Variants in PROS1 observed in about 807,000 individuals in gnomAD.
PROS1 encodes vitamin K-dependent protein S.
PROS1 carries 29 observed loss-of-function variants against 75.9 expected under a neutral mutation model. The observed-to-expected ratio is 0.38, with a 90% CI of 0.28 to 0.52. The LOEUF (loss-of-function observed/expected upper bound fraction) is 0.52. PROS1 is among the 20% of genes least tolerant of loss of function. PROS1 has a pLI of 0.83. For synonymous variants in PROS1, 245 were observed against 280.6 expected (o/e 0.87, Z 1.27); for missense variants, 680 against 810.3 (o/e 0.84, Z 1.95).
chr3:93,955,497 G>A (rs1341139757), intron 1 of PROS1, among the ~76,000 whole-genome samples: 1 of 151,960 alleles, frequency 6.6e-6, no homozygotes, highest in Non-Finnish European at 1.5e-5. Flanking sequence ...AACACTGCAT[G>A]TTCTCACTCA....
chr3:93,939,359 C>G (rs1423628159), intron 1 of PROS1, among the ~76,000 whole-genome samples: 3 of 152,098 alleles, frequency 2.0e-5, no homozygotes, highest in Non-Finnish European at 2.9e-5. Flanking sequence ...AGTCCCAACC[C>G]CAAGCGTCAC....
At chr3:93,969,151 A>C (rs1709837166) in intron 1 of PROS1, among the ~76,000 whole-genome samples, 2 of 137,428 alleles carry the variant, frequency 1.5e-5, no homozygotes, top group South Asian at 4.6e-4. Context: ...TGCATATAAG[A>C]TGTGTTGGTA....
Position 93,905,851 on chromosome 3 carries a change from T to G in PROS1, c.534A>C (p.Thr178=). Residue 178 remains threonine (T), a synonymous_variant, in exon 6 of 15, where the codon ACA becomes ACC. Transcript: ENST00000394236. ...TACAGGAACAGTGGTAACTTCCAGG[T>G]GTATTATCACAAATTTGACTGCAAC... ...NGGCSQICDN[T]PGSYHCSCKN... is the part of the protein sequence containing the mutation. 6.2e-7 allele frequency: 1 copy of G among 1,612,846 alleles called. No homozygotes were observed. The highest frequency in any genetic ancestry group is 8.5e-7 in the Non-Finnish European group (1 of 1,178,830).
At chr3:93,901,881 T>C (rs1017783547) in intron 6 of PROS1, among the ~76,000 whole-genome samples, 2 of 152,224 alleles carry the variant, frequency 1.3e-5, no homozygotes, top group African/African-American at 4.8e-5. Context: ...GTATTACTTC[T>C]TACAACTTCA....
intron 3 of PROS1, among the ~76,000 whole-genome samples, chr3:93,923,793 G>A (rs766547010): frequency 3.6e-4 from 54 of 151,960 alleles, no homozygotes; most frequent in East Asian, 9.7e-4. Context: ...CCAGCTACTC[G>A]GGAGGCTGAG....
At chr3:93,944,421 C>G (rs1480918416) in intron 1 of PROS1, among the ~76,000 whole-genome samples, 1 of 152,170 alleles carries the variant, frequency 6.6e-6, no homozygotes, top group Non-Finnish European at 1.5e-5. Context: ...CACTCCTCAG[C>G]AAATCTAAAA....
At chr3:93,887,300 T>TG (rs1437769837) in intron 10 of PROS1, among the ~76,000 whole-genome samples, 3 of 152,176 alleles carry the variant, frequency 2.0e-5, no homozygotes, top group Non-Finnish European at 2.9e-5. Context: ...TCTTTAAAAT[T>TG]CAAAAGTGAT....
intron 1 of PROS1, among the ~76,000 whole-genome samples, chr3:93,950,236 T>C (rs1308796656): frequency 6.6e-6 from 1 of 152,188 alleles, no homozygotes; most frequent in African/African-American, 2.4e-5. Flanking sequence ...TGCCTGTCTC[T>C]GTAGACTCCA....
intron 11 of PROS1, among the ~76,000 whole-genome samples, chr3:93,886,033 C>A (rs1170422488): frequency 1.3e-5 from 2 of 152,062 alleles, no homozygotes; most frequent in Admixed American, 6.6e-5. Flanking sequence ...TAACACTGAA[C>A]ATTACATTAC....
chr3:93,877,843 G>A (rs1455142679), intron 13 of PROS1, among the ~76,000 whole-genome samples: 1 of 152,154 alleles, frequency 6.6e-6, no homozygotes. Flanking sequence ...ATATGGCATA[G>A]AGGAAAGTGA....
At chr3:93,953,737 C>A (rs1709547967) in intron 1 of PROS1, among the ~76,000 whole-genome samples, 1 of 152,100 alleles carries the variant, frequency 6.6e-6, no homozygotes, top group Non-Finnish European at 1.5e-5. Flanking sequence ...GGCAATCAGG[C>A]AGGAGAAAGA....
chr3:93,950,016 G>A (rs1576211858), intron 1 of PROS1, among the ~76,000 whole-genome samples: 1 of 152,196 alleles, frequency 6.6e-6, no homozygotes, highest in Non-Finnish European at 1.5e-5. Context: ...CTTATCAAAT[G>A]GCACACCAGG....
At chr3:93,939,564 C>T (rs1157187217) in intron 1 of PROS1, among the ~76,000 whole-genome samples, 2 of 152,194 alleles carry the variant, frequency 1.3e-5, no homozygotes, top group African/African-American at 4.8e-5. Context: ...CATTCTGAGA[C>T]TAGCCCTCCC....
intron 8 of PROS1, among the ~76,000 whole-genome samples, chr3:93,898,215 C>G (rs1219596780): frequency 6.6e-6 from 1 of 151,964 alleles, no homozygotes; most frequent in African/African-American, 2.4e-5. Flanking sequence ...CAGATAAGTA[C>G]TCTCTAAACT....
intron 1 of PROS1, among the ~76,000 whole-genome samples, chr3:93,954,795 C>T (rs1227104651): frequency 2.0e-5 from 3 of 152,168 alleles, no homozygotes; most frequent in Admixed American, 6.5e-5. Flanking sequence ...AGGCAACCTA[C>T]AGGATGGGAG....
At chr3:93,903,293 C>A (rs184151303) in intron 6 of PROS1, among the ~76,000 whole-genome samples, 150 of 152,232 alleles carry the variant, frequency 9.9e-4, no homozygotes, top group African/African-American at 3.5e-3. Context: ...TTAATAAGAG[C>A]ACTTTTGTAA....
chr3:93,900,098 G>A (rs1450284877), intron 7 of PROS1, among the ~76,000 whole-genome samples: 1 of 152,068 alleles, frequency 6.6e-6, no homozygotes, highest in Non-Finnish European at 1.5e-5. Context: ...AAAATCGAAA[G>A]GAAGGTATGA....
intron 1 of PROS1, among the ~76,000 whole-genome samples, chr3:93,946,396 C>T (rs547515955): frequency 6.6e-6 from 1 of 152,300 alleles, no homozygotes; most frequent in African/African-American, 2.4e-5. Context: ...TGCTACATGA[C>T]TTCAAACTAT....
intron 1 of PROS1, among the ~76,000 whole-genome samples, chr3:93,951,907 A>G (rs752371171): frequency 1.3e-5 from 2 of 152,152 alleles, no homozygotes; most frequent in Non-Finnish European, 2.9e-5. Context: ...CAAATGGGAA[A>G]CAAAAAAAAG....
Sources: gnomAD v4.1 joint callset for allele counts (sites outside exome capture counted in the v4.1 genomes callset) on GRCh38, gnomAD v4.1.1 for gene constraint, MANE v1.5 for transcripts, NCBI Gene and HGNC (gene_info 2026-07-23, HGNC 2026-07-21) for gene names.